The following SUPT3H variants were observed in gnomAD, a reference collection of about 807,000 sequenced individuals.
SUPT3H encodes transcription initiation protein SPT3 homolog.
SUPT3H carries 44 observed loss-of-function variants against 44.3 expected under a neutral mutation model. The ratio of observed to expected loss-of-function variants is 0.99; its 90% CI spans 0.78 to 1.28. SUPT3H has a LOEUF of 1.28. Among genes scored for constraint, SUPT3H ranks in the 50% most tolerant of loss-of-function variants. The probability of loss-of-function intolerance (pLI) is 0.00; values close to 1 mark genes in which losing one functional copy is unlikely to be tolerated. For synonymous variants in SUPT3H, 124 were observed against 125.6 expected (o/e 0.99, Z 0.09); for missense variants, 380 against 387.1 (o/e 0.98, Z 0.15).
chr6:44,856,479 G>C (rs1012660154), intron 10 of SUPT3H, among the ~76,000 whole-genome samples: 3 of 152,182 alleles, frequency 2.0e-5, no homozygotes, highest in Non-Finnish European at 4.4e-5. Flanking sequence ...TCAAGTATTT[G>C]CAACATAATT....
At chr6:45,003,578 A>G (rs1009968200) in intron 6 of SUPT3H, 75 bp downstream of exon 6, 17 of 1,503,646 alleles carry the variant, frequency 1.1e-5, no homozygotes, top group Non-Finnish European at 1.4e-5. Flanking sequence ...TTTAAAGAAC[A>G]TGAGAATAGG....
intron 2 of SUPT3H, among the ~76,000 whole-genome samples, chr6:45,256,442 A>C (rs1397492712): frequency 6.6e-6 from 1 of 152,068 alleles, no homozygotes; most frequent in African/African-American, 2.4e-5. Flanking sequence ...TAAGGGTATT[A>C]ATCTCATCGA....
At chr6:44,858,701 T>C (rs971958743) in intron 10 of SUPT3H, among the ~76,000 whole-genome samples, 2 of 152,170 alleles carry the variant, frequency 1.3e-5, no homozygotes, top group Non-Finnish European at 2.9e-5. Context: ...CACCTACATA[T>C]TGCCATGCTA....
chr6:45,176,967 G>A (rs1812051254), intron 2 of SUPT3H, among the ~76,000 whole-genome samples: 1 of 152,138 alleles, frequency 6.6e-6, no homozygotes, highest in Non-Finnish European at 1.5e-5. Context: ...CAAAGATGGG[G>A]AAAAAACAGA....
At chr6:45,194,882 C>A (rs192507374) in intron 2 of SUPT3H, among the ~76,000 whole-genome samples, 280 of 152,192 alleles carry the variant, frequency 1.8e-3, no homozygotes, top group African/African-American at 6.6e-3. Context: ...AAGAAGCTGA[C>A]TACTATACTT....
At chr6:45,149,108 T>C (rs1178894479) in intron 2 of SUPT3H, among the ~76,000 whole-genome samples, 1 of 152,228 alleles carries the variant, frequency 6.6e-6, no homozygotes, top group Non-Finnish European at 1.5e-5. Flanking sequence ...ACAGTAGTTG[T>C]AACTTGAAAA....
Position 45,015,153 on chromosome 6 carries a change from G to T in SUPT3H, c.274-262C>A, listed in dbSNP as rs373778237. Among the ~76,000 whole-genome samples the T allele has an allele frequency of 2.0e-5, 3 of 152,176 alleles. No homozygotes were observed. The South Asian group carries it at 6.2e-4, about 32-fold the overall frequency. On this transcript the variant is annotated intron_variant, in intron 4 of 10. Transcript: ENST00000371459. ...TACTCACACATTGCTTAATGAAGGG[G>T]ATCTAAGAAATGCCTCCTCAGGAGA...
intron 2 of SUPT3H, among the ~76,000 whole-genome samples, chr6:45,186,944 T>C (rs72870949): frequency 0.016 from 2,378 of 151,772 alleles, 31 homozygotes; most frequent in South Asian, 0.035. Flanking sequence ...ACACACACTA[T>C]CCACTTCTTC....
intron 10 of SUPT3H, among the ~76,000 whole-genome samples, chr6:44,851,679 T>C (rs574378678): frequency 1.3e-5 from 2 of 152,346 alleles, no homozygotes; most frequent in African/African-American, 4.8e-5. Flanking sequence ...AAAAATGTGA[T>C]AGGATAATTT....
chr6:45,102,003 G>GAGT (rs1451097308), intron 3 of SUPT3H, among the ~76,000 whole-genome samples: 3 of 152,062 alleles, frequency 2.0e-5, no homozygotes, highest in African/African-American at 7.2e-5. Context: ...ATTTGACAAT[G>GAGT]AGTAGAACAA....
chr6:44,816,779 C>T (rs1348666598), intron 11 of SUPT3H, among the ~76,000 whole-genome samples: 2 of 152,118 alleles, frequency 1.3e-5, no homozygotes, highest in African/African-American at 4.8e-5. Flanking sequence ...TGTCGCCAGG[C>T]ACAGTAGCTC....
intron 10 of SUPT3H, among the ~76,000 whole-genome samples, chr6:44,849,162 C>G (rs1772406807): frequency 6.6e-6 from 1 of 151,394 alleles, no homozygotes; most frequent in Non-Finnish European, 1.5e-5. Flanking sequence ...TTGTTTCTTG[C>G]CATGTATATG....
At chr6:45,299,799 A>G (rs1240097977) in intron 2 of SUPT3H, among the ~76,000 whole-genome samples, 1 of 152,016 alleles carries the variant, frequency 6.6e-6, no homozygotes, top group Non-Finnish European at 1.5e-5. Context: ...GTACATATAT[A>G]TACATCTCAA....
intron 2 of SUPT3H, among the ~76,000 whole-genome samples, chr6:45,112,355 GGCCTTATATGT>G (rs1280812784): frequency 6.6e-6 from 1 of 151,684 alleles, no homozygotes; most frequent in Non-Finnish European, 1.5e-5. Flanking sequence ...GTTTATCCCT[GGCCTTATATGT>G]GGAAATAATT....
intron 3 of SUPT3H, among the ~76,000 whole-genome samples, chr6:45,034,745 G>C (rs1350319686): frequency 3.3e-5 from 5 of 152,100 alleles, no homozygotes; most frequent in Non-Finnish European, 7.4e-5. Flanking sequence ...TTACAAAACT[G>C]TTAGTTCTAC....
chr6:45,081,578 T>G (rs1020380559), intron 3 of SUPT3H, among the ~76,000 whole-genome samples: 1 of 152,148 alleles, frequency 6.6e-6, no homozygotes, highest in African/African-American at 2.4e-5. Flanking sequence ...GCCACATTTA[T>G]CAATAAGTCT....
intron 2 of SUPT3H, among the ~76,000 whole-genome samples, chr6:45,307,187 T>C (rs1294560953): frequency 6.6e-6 from 1 of 152,190 alleles, no homozygotes; most frequent in Non-Finnish European, 1.5e-5. Flanking sequence ...ACTCCACCTC[T>C]GGGGGCAGGG....
At chr6:44,903,899 T>C (rs2153449619) in intron 10 of SUPT3H, among the ~76,000 whole-genome samples, 1 of 152,162 alleles carries the variant, frequency 6.6e-6, no homozygotes, top group South Asian at 2.1e-4. Flanking sequence ...ATAAACCTAA[T>C]CCAGCATATA....
chr6:45,214,834 G>T (rs950370560), intron 2 of SUPT3H, among the ~76,000 whole-genome samples: 3 of 152,114 alleles, frequency 2.0e-5, no homozygotes, highest in African/African-American at 7.2e-5. Flanking sequence ...AGGTAACAGA[G>T]ACTTCATTAA....
Sources: allele counts gnomAD v4.1 joint callset (sites outside exome capture counted in the v4.1 genomes callset), GRCh38; gene constraint gnomAD v4.1.1; transcripts MANE v1.5; gene names NCBI Gene and HGNC (gene_info 2026-07-23, HGNC 2026-07-21).